The following A1BG variants were observed in gnomAD, a reference collection of about 807,000 sequenced individuals.
A1BG encodes alpha-1B-glycoprotein.
Under a neutral mutation model 46.0 loss-of-function variants are expected in A1BG, and 44 were observed. The observed-to-expected ratio is 0.96, with a 90% CI of 0.75 to 1.23. A1BG has a LOEUF of 1.23. Among genes scored for constraint, A1BG ranks in the 50% most tolerant of loss-of-function variants. The probability of loss-of-function intolerance (pLI) is 0.00; values close to 1 mark genes in which losing one functional copy is unlikely to be tolerated. For missense variants in A1BG, 707 were observed against 688.8 expected (o/e 1.03, Z -0.30); for synonymous variants, 316 against 314.7 (o/e 1.00, Z -0.04).
rs749744578 is a variant in A1BG at position 58,347,479 on chromosome 19, C to A, written c.1354G>T (p.Ala452Ser). 3.7e-6 allele frequency: 6 copies of A among 1,600,146 alleles called. No homozygotes were observed. The highest frequency in any genetic ancestry group is 1.1e-5 in the South Asian group (1 of 90,644). ...ACGAAGATCAGCTCGAGGTTCGCCGCGGCCCCGGGGGTGCGGACCGTCTTC... is the reference window on the plus strand; with the variant it reads ...ACGAAGATCAGCTCGAGGTTCGCCGAGGCCCCGGGGGTGCGGACCGTCTTC... ...AVKTVRTPGAAANLELIFVGP... is the reference protein window; with the variant it reads ...AVKTVRTPGASANLELIFVGP... Residue 452 changes from alanine to serine, a missense_variant, in exon 7 of 8, where the codon GCG (alanine) becomes TCG (serine). Physicochemically the swap from Ala to Ser is moderately conservative, Grantham distance 99 (BLOSUM62 1). Coordinates refer to ENST00000263100, the MANE Select transcript of A1BG (RefSeq NM_130786.4).
Position 58,346,880 on chromosome 19 carries a change from T to A in A1BG, c.*142A>T. On this transcript the variant is annotated 3_prime_UTR_variant, in exon 8 of 8. Transcript: ENST00000263100. The stretch of plus-strand genomic sequence containing the variant: ...TTTAAACAGAGCCTCTCTTCACATT[T>A]ATTAATTCCTGGGAGGAATGAGGGA... The A allele has an allele frequency of 1.1e-6, 1 of 912,182 alleles. No individual in the cohort carries two copies. Among genetic ancestry groups the A allele is most frequent in the Non-Finnish European group, 1.8e-6 (1 of 541,836 alleles). 56.5% of individuals were successfully genotyped at this position (912,182 alleles called of 1,614,324 possible).
rs1158262623 is a variant in A1BG at position 58,350,545 on chromosome 19, CTCGCGCACCAGGGCGAA to C, written c.1000_1016del (p.Phe334GlyfsTer29). 4 of 1,548,530 alleles carry C rather than the reference CTCGCGCACCAGGGCGAA, an allele frequency of 2.6e-6. No individual in the cohort carries two copies. The highest frequency in any genetic ancestry group is 3.5e-6 in the Non-Finnish European group (4 of 1,146,154). On this transcript the variant is annotated frameshift_variant, in exon 6 of 8. Coordinates refer to ENST00000263100, the MANE Select transcript of A1BG (RefSeq NM_130786.4). LOFTEE classifies it high-confidence loss of function. ...GGTGCACGCGGCGCCCGCCCCTGTC[CTCGCGCACCAGGGCGAA>C]GCGCGCGCCCTCCAGGGGCGCCAGG...
Position 58,346,473 on chromosome 19 carries a change from CA to C in A1BG, c.*548del, listed in dbSNP as rs2051914378. ...GCATGGTGGCTCATGCCTGTAGTCC[CA>C]GCTACTCAGGAGGCTGAGGTGGGAG... On this transcript the variant is annotated 3_prime_UTR_variant, in exon 8 of 8. Coordinates refer to ENST00000263100, the MANE Select transcript of A1BG (RefSeq NM_130786.4). The C allele has an allele frequency of 5.7e-6, 1 of 174,264 alleles. No homozygotes were observed. Among genetic ancestry groups the C allele is most frequent in the South Asian group, 1.2e-4 (1 of 8,252 alleles). The allele number at this position is 174,264 out of a possible 1,614,324, so 10.8% of individuals were successfully genotyped here.
intron 3 of A1BG, 147 bp downstream of exon 3, chr19:58,352,781 C>A: frequency 7.8e-7 from 1 of 1,283,148 alleles, no homozygotes. Context: ...ACCATGTATT[C>A]CTTACAACAC....
rs1351639781 is a variant in A1BG at position 58,352,916 on chromosome 19, GC to G, written c.340+11del. On this transcript the variant is annotated intron_variant, in intron 3 of 7. Coordinates refer to ENST00000263100, the MANE Select transcript of A1BG (RefSeq NM_130786.4). ...CACTGCCTCCTGGCCCCCAATTCAT[GC>G]CCCGGCTCACTTGGCCCTGTCAGCT... 18 of 1,605,364 alleles carry G rather than the reference GC, an allele frequency of 1.1e-5. No individual in the cohort carries two copies. The highest frequency in any genetic ancestry group is 1.4e-5 in the Non-Finnish European group (16 of 1,175,970).
At chr19:58,352,697 T>C in intron 3 of A1BG, 142 bp from the exon 4 acceptor site, 1 of 1,238,804 alleles carries the variant, frequency 8.1e-7, no homozygotes, top group Middle Eastern at 2.6e-4. Flanking sequence ...CAGGCACCAG[T>C]GGAAACAAGG....
At position 58,346,612 on chromosome 19, in the gene A1BG, T is replaced by G. The variant is rs914032571; in HGVS notation, c.*410A>C. ...ATGCATGCCCAGGCTCCCAGCTACT[T>G]GGGAGGCTGAGGCAGGAGGATCGCT... On this transcript the variant is annotated 3_prime_UTR_variant, in exon 8 of 8. Coordinates refer to ENST00000263100, the MANE Select transcript of A1BG (RefSeq NM_130786.4). 1 of 263,210 alleles carries G rather than the reference T, an allele frequency of 3.8e-6. No individual in the cohort carries two copies. The highest frequency in any genetic ancestry group is 7.5e-6 in the Non-Finnish European group (1 of 133,954). 16.3% of individuals were successfully genotyped at this position (263,210 alleles called of 1,614,324 possible).
Position 58,346,938 on chromosome 19 carries a change from GT to G in A1BG, c.*83del. The G allele has an allele frequency of 6.8e-7, 1 of 1,464,456 alleles. No individual in the cohort carries two copies. Among genetic ancestry groups the G allele is most frequent in the East Asian group, 2.3e-5 (1 of 44,162 alleles). The allele number at this position is 1,464,456 out of a possible 1,614,324, so 90.7% of individuals were successfully genotyped here. On this transcript the variant is annotated 3_prime_UTR_variant, in exon 8 of 8. Coordinates refer to ENST00000263100, the MANE Select transcript of A1BG (RefSeq NM_130786.4). The stretch of plus-strand genomic sequence containing the variant: ...CCAGCCCCCCAGAGACCCCGGCCTT[GT>G]GCTGCAACAGGAGGGGAGGGAGCCA...
At chr19:58,350,176 G>T (rs2051944220) in intron 6 of A1BG, 194 bp downstream of exon 6, 2 of 710,726 alleles carry the variant, frequency 2.8e-6, no homozygotes, top group Non-Finnish European at 4.4e-6. Context: ...TTGCGTCCGT[G>T]GGAAATAAGC....
chr19:58,352,667 C>T, intron 3 of A1BG, 112 bp from the exon 4 acceptor site: 1 of 1,394,256 alleles, frequency 7.2e-7, no homozygotes, highest in East Asian at 2.3e-5. Flanking sequence ...GGATGGAGGG[C>T]ATTGCTGGGA....
intron 2 of A1BG, 47 bp from the exon 3 acceptor site, chr19:58,353,244 C>T (rs2051981933): frequency 3.1e-6 from 5 of 1,609,294 alleles, no homozygotes; most frequent in Non-Finnish European, 4.2e-6. Context: ...AGACAGGGCT[C>T]CCCCCCGGCC....
At position 58,351,538 on chromosome 19, in the gene A1BG, TC is replaced by T. The variant is rs776096132; in HGVS notation, c.762del (p.Ser255AlafsTer12). 6.8e-6 allele frequency: 11 copies of T among 1,613,910 alleles called. No individual in the cohort carries two copies. The highest frequency in any genetic ancestry group is 9.3e-6 in the Non-Finnish European group (11 of 1,180,020). Reference protein sequence around the residue: ...RRGEKELLVPRSSTSPDRIFF... With the variant: ...RRGEKELLVPXSSTSPDRIFF... ...AAGATGCGATCTGGGCTGGTGCTGC[TC>T]CTGGGTACCAGCAGCTCTTTCTCCC... On this transcript the variant is annotated frameshift_variant, in exon 5 of 8. Transcript: ENST00000263100. LOFTEE classifies it high-confidence loss of function.
At chr19:58,347,150 GC>G in intron 7 of A1BG, 121 bp from the exon 8 acceptor site, 3 of 1,398,328 alleles carry the variant, frequency 2.1e-6, no homozygotes, top group Non-Finnish European at 3.0e-6. Context: ...TCGGCTGCCA[GC>G]CGAGACCCCC....
rs919125007 is a variant in A1BG at position 58,350,334 on chromosome 19, C to A, written c.1192+36G>T. 3.3e-6 allele frequency: 5 copies of A among 1,515,814 alleles called. No homozygotes were observed. The Admixed American group carries it at 6.3e-5, about 19-fold the overall frequency. 93.9% of individuals were successfully genotyped at this position (1,515,814 alleles called of 1,614,324 possible). A position where few individuals can be genotyped will look rare whatever the true frequency, so the allele number is the denominator to read the frequency against. ...ACAGGAGGCCCCGAGGGGCACTGAA[C>A]CCGCGCCCGCCCTCGCTGGTGCCCC... On this transcript the variant is annotated intron_variant, in intron 6 of 7. Coordinates refer to ENST00000263100, the MANE Select transcript of A1BG (RefSeq NM_130786.4).
At position 58,351,829 on chromosome 19, in the gene A1BG, T is replaced by A. The variant is rs1600505667; in HGVS notation, c.614-142A>T. The A allele has an allele frequency of 7.7e-5, 69 of 900,540 alleles. 3 individuals carry two copies. In the South Asian group the frequency reaches 1.2e-3, roughly 16 times the overall value. 55.8% of individuals were successfully genotyped at this position (900,540 alleles called of 1,614,324 possible). Reference sequence around the variant, plus strand: ...TTTTTTTTTTGAAACGGAGTTTCGCTCTTGTTGCCCAGGCTGGAGTGCAGT... The same window carrying A: ...TTTTTTTTTTGAAACGGAGTTTCGCACTTGTTGCCCAGGCTGGAGTGCAGT... On this transcript the variant is annotated intron_variant, in intron 4 of 7. Coordinates refer to ENST00000263100, the MANE Select transcript of A1BG (RefSeq NM_130786.4).
At chr19:58,350,759 A>T in intron 5 of A1BG, 108 bp from the exon 6 acceptor site, 1 of 1,225,872 alleles carries the variant, frequency 8.2e-7, no homozygotes. Context: ...GCCCGCAATG[A>T]CCTGGCCAGC....
Position 58,353,153 on chromosome 19 carries a change from G to T in A1BG, c.115C>A (p.Leu39Met). 6.2e-7 allele frequency: 1 copy of T among 1,614,212 alleles called. No homozygotes were observed. The highest frequency in any genetic ancestry group is 8.5e-7 in the Non-Finnish European group (1 of 1,180,036). The change falls in exon 3 of 8, where the codon CTG (leucine) becomes ATG (methionine). Residue 39 changes from leucine (L) to methionine (M), a missense_variant. Transcript: ENST00000263100. ...AGCGTCACATTGGCCAAGGGTTTCA[G>T]CAGTGATTCGGACTCTGCCCACAGG... ...PSLWAESESL[L>M]KPLANVTLTC...
In A1BG at chr19:58,351,400, G is replaced by C. The variant is rs773913887; in HGVS notation, c.901C>G (p.Leu301Val). 10 of 1,610,558 alleles carry C rather than the reference G, an allele frequency of 6.2e-6. No individual in the cohort carries two copies. The South Asian group carries it at 9.9e-5, about 16-fold the overall frequency. The stretch of plus-strand genomic sequence containing the variant: ...GCTGGCCCCGGCTCACCATCGCTCA[G>C]AATCAGCTCGACCGGCGCGCTGTCC... ...SGDSAPVELILSDETLPAPEF... is the reference protein window; with the variant it reads ...SGDSAPVELIVSDETLPAPEF... The change falls in exon 5 of 8, where the codon CTG (leucine) becomes GTG (valine). Residue 301 changes from leucine to valine, a missense_variant. Transcript: ENST00000263100.
chr19:58,347,698 A>AGGCCACGCCCCAGGCCACACCCCAGGCCG lies in A1BG; in HGVS notation c.1193-59_1193-58insCGGCCTGGGGTGTGGCCTGGGGCGTGGCC, dbSNP rs1568552337. On this transcript the variant is annotated intron_variant, in intron 6 of 7. Transcript: ENST00000263100. Reference sequence around the variant, plus strand: ...CACGCCCCAGGCCACGCCCCAGGCCACACCCCAGGCCACACCCCAGGCCGC... The same window carrying AGGCCACGCCCCAGGCCACACCCCAGGCCG: ...CACGCCCCAGGCCACGCCCCAGGCCAGGCCACGCCCCAGGCCACACCCCAGGCCGCACCCCAGGCCACACCCCAGGCCGC... The AGGCCACGCCCCAGGCCACACCCCAGGCCG allele has an allele frequency of 1.3e-5, 8 of 604,816 alleles. No homozygotes were observed. In the African/African-American group the frequency reaches 3.2e-4, roughly 24 times the overall value. The allele number at this position is 604,816 out of a possible 1,614,324, so 37.5% of individuals were successfully genotyped here.
Sources: allele counts gnomAD v4.1 joint callset, GRCh38; gene constraint gnomAD v4.1.1; transcripts MANE v1.5; gene names NCBI Gene and HGNC (gene_info 2026-07-23, HGNC 2026-07-21).